The following TCF12 variants were observed in gnomAD, a reference collection of about 807,000 sequenced individuals.
TCF12 encodes the protein DNA-binding protein HTF4.
Under a neutral mutation model 86.0 loss-of-function variants are expected in TCF12, and 45 were observed. The observed-to-expected ratio is 0.52, with a 90% CI of 0.41 to 0.67. The LOEUF (loss-of-function observed/expected upper bound fraction) is 0.67. Among genes scored for constraint, TCF12 ranks in the 30% least tolerant of loss-of-function variants. The pLI is 0.00. For missense variants in TCF12, 881 were observed against 859.9 expected, an observed-to-expected ratio of 1.02 and a Z score of -0.31; for synonymous variants, 330 against 299.6, an observed-to-expected ratio of 1.10 and a Z score of -1.05.
At chr15:57,280,135 C>T (rs2061618219) in intron 19 of TCF12, among the ~76,000 whole-genome samples, 1 of 152,096 alleles carries the variant, frequency 6.6e-6, no homozygotes, top group Admixed American at 6.6e-5. Flanking sequence ...GGTGATCCGC[C>T]TGTTTCGGCC....
At position 57,007,812 on chromosome 15, in the gene TCF12, TTC is replaced by T. The variant is rs1567241937; in HGVS notation, c.149-55936_149-55935del. On this transcript the variant is annotated intron_variant, in intron 3 of 20. Coordinates refer to ENST00000333725, the MANE Select transcript of TCF12 (RefSeq NM_207037.2). ...TTTCTCTCTTTCTTTCTTTCTTTCT[TTC>T]TTTCTTTTTCTTTCTTTCTTTCTTT... 2.9e-4 allele frequency among the ~76,000 whole-genome samples: 39 copies of T among 134,716 alleles called. 1 individual carries two copies. The highest frequency in any genetic ancestry group is 2.0e-3 in the South Asian group (8 of 3,966). The allele number at this position is 134,716 out of a possible 152,430, so 88.4% of individuals were successfully genotyped here. A position where few individuals can be genotyped will look rare whatever the true frequency, so the allele number is the denominator to read the frequency against.
intron 3 of TCF12, among the ~76,000 whole-genome samples, chr15:56,982,955 A>G (rs1198685942): frequency 1.3e-5 from 2 of 152,222 alleles, no homozygotes; most frequent in African/African-American, 4.8e-5. Flanking sequence ...AATATGTAAC[A>G]ATTCTGCAAA....
intron 3 of TCF12, among the ~76,000 whole-genome samples, chr15:56,990,577 C>T (rs2063402197): frequency 6.6e-6 from 1 of 151,982 alleles, no homozygotes; most frequent in Non-Finnish European, 1.5e-5. Flanking sequence ...AATATTGGAT[C>T]TACAGGTTTG....
At chr15:57,265,109 ATAGTATAG>A (rs1343325116) in intron 18 of TCF12, among the ~76,000 whole-genome samples, 1 of 150,618 alleles carries the variant, frequency 6.6e-6, no homozygotes, top group African/African-American at 2.5e-5. Context: ...ATAGTATAGT[ATAGTATAG>A]TATAGTATAG....
chr15:57,250,245 C>G (rs1446734087), intron 13 of TCF12, among the ~76,000 whole-genome samples: 17 of 152,070 alleles, frequency 1.1e-4, no homozygotes, highest in Non-Finnish European at 1.5e-5. Context: ...TTACTATTAC[C>G]CCTTAGTAAG....
intron 13 of TCF12, among the ~76,000 whole-genome samples, chr15:57,243,840 A>C (rs1337317770): frequency 2.6e-5 from 4 of 152,188 alleles, no homozygotes; most frequent in African/African-American, 9.7e-5. Context: ...AATTGGAATG[A>C]AGATAAAATA....
chr15:57,155,879 A>G (rs1000227419), intron 5 of TCF12, among the ~76,000 whole-genome samples: 1 of 152,204 alleles, frequency 6.6e-6, no homozygotes, highest in Middle Eastern at 3.2e-3. Context: ...TGTTTCAACA[A>G]AATGAAATAG....
At chr15:57,000,788 T>C (rs190956486) in intron 3 of TCF12, among the ~76,000 whole-genome samples, 1 of 152,072 alleles carries the variant, frequency 6.6e-6, no homozygotes, top group East Asian at 1.9e-4. Context: ...AGCCTGATTA[T>C]TTTTGCCACT....
At chr15:57,231,651 CTTG>C (rs1392618276) in intron 9 of TCF12, among the ~76,000 whole-genome samples, 2 of 152,088 alleles carry the variant, frequency 1.3e-5, no homozygotes, top group Non-Finnish European at 2.9e-5. Flanking sequence ...CAGAGTAAGA[CTTG>C]TTAAGAGAGA....
At chr15:57,043,426 G>A (rs1281183152) in intron 3 of TCF12, among the ~76,000 whole-genome samples, 4 of 151,930 alleles carry the variant, frequency 2.6e-5, no homozygotes, top group Non-Finnish European at 4.4e-5. Flanking sequence ...GTCTCTCCAC[G>A]TCCTCACTAT....
chr15:57,058,400 G>A (rs983457585), intron 3 of TCF12, among the ~76,000 whole-genome samples: 4 of 152,126 alleles, frequency 2.6e-5, no homozygotes, highest in Non-Finnish European at 5.9e-5. Flanking sequence ...TTTTTTGAAT[G>A]AAATTTGCCA....
rs541563143 is a variant in TCF12 at position 57,066,418 on chromosome 15, CAACTT to C, written c.222+2598_222+2602del. Among the ~76,000 whole-genome samples the C allele has an allele frequency of 2.0e-4, 31 of 152,048 alleles. 1 individual carries two copies. In the South Asian group the frequency reaches 6.4e-3, roughly 32 times the overall value. On this transcript the variant is annotated intron_variant, in intron 4 of 20. Transcript: ENST00000333725. Reference sequence around the variant, plus strand: ...TTTGACTTGTTAGTTAAAAATTTGTCAACTTAAACAATGTAGTTGCAGATACTTCA... The same window carrying C: ...TTTGACTTGTTAGTTAAAAATTTGTCAAACAATGTAGTTGCAGATACTTCA...
intron 8 of TCF12, among the ~76,000 whole-genome samples, chr15:57,217,204 G>T (rs1169498340): frequency 1.3e-5 from 2 of 151,952 alleles, no homozygotes; most frequent in Non-Finnish European, 2.9e-5. Context: ...TCACATTCAG[G>T]TTTCATGTTT....
intron 3 of TCF12, among the ~76,000 whole-genome samples, chr15:56,949,896 G>A (rs554490511): frequency 6.6e-6 from 1 of 152,338 alleles, no homozygotes; most frequent in South Asian, 2.1e-4. Context: ...ACAAAGGCAT[G>A]TTTAGTGGGG....
chr15:57,072,108 G>A (rs1391392363), intron 4 of TCF12, among the ~76,000 whole-genome samples: 1 of 152,176 alleles, frequency 6.6e-6, no homozygotes, highest in African/African-American at 2.4e-5. Flanking sequence ...AAAATAGGAT[G>A]ATCTGAAAAG....
intron 3 of TCF12, among the ~76,000 whole-genome samples, chr15:56,950,919 G>C (rs556876262): frequency 6.6e-6 from 1 of 151,658 alleles, no homozygotes; most frequent in South Asian, 2.1e-4. Context: ...ACCACACCTG[G>C]CTAATTTTGT....
chr15:56,987,912 A>G (rs2063271712), intron 3 of TCF12, among the ~76,000 whole-genome samples: 1 of 152,240 alleles, frequency 6.6e-6, no homozygotes, highest in Admixed American at 6.5e-5. Flanking sequence ...AACACAGTAA[A>G]GATGAAACTT....
In TCF12 at chr15:57,139,871, A is replaced by G. The variant is rs559885206; in HGVS notation, c.326-26531A>G. Among the ~76,000 whole-genome samples, 5 of 152,316 alleles carry G rather than the reference A, an allele frequency of 3.3e-5. 1 individual carries two copies. In the South Asian group the frequency reaches 1.0e-3, roughly 32 times the overall value. On this transcript the variant is annotated intron_variant, in intron 5 of 20. Coordinates refer to ENST00000333725, the MANE Select transcript of TCF12 (RefSeq NM_207037.2). ...AAATTACAGTAAGCCAGAAAAAGAGACAGTAAACTTCATTCACTCACAGTC... is the reference window on the plus strand; with the variant it reads ...AAATTACAGTAAGCCAGAAAAAGAGGCAGTAAACTTCATTCACTCACAGTC...
At chr15:56,949,326 C>T (rs1340175366) in intron 3 of TCF12, among the ~76,000 whole-genome samples, 2 of 152,120 alleles carry the variant, frequency 1.3e-5, no homozygotes, top group East Asian at 1.9e-4. Context: ...TGAATGTAAA[C>T]TCCTTTTTAA....
Sources: allele counts gnomAD v4.1 joint callset (sites outside exome capture counted in the v4.1 genomes callset), GRCh38; gene constraint gnomAD v4.1.1; transcripts MANE v1.5; gene names NCBI Gene and HGNC (gene_info 2026-07-23, HGNC 2026-07-21).